Variants in RREB1 observed in about 807,000 individuals in gnomAD.
RREB1 encodes ras responsive element binding protein 1, also known as ras-responsive element-binding protein 1.
A neutral mutation model predicts 117.8 loss-of-function variants in RREB1; 27 were observed. That is an observed-to-expected ratio of 0.23 (90% confidence interval 0.17 to 0.32). The LOEUF (loss-of-function observed/expected upper bound fraction) is 0.32. Ranked by LOEUF, RREB1 falls within the 10% of genes least tolerant of loss-of-function variation. The probability of loss-of-function intolerance (pLI) is 1.00; values close to 1 mark genes in which losing one functional copy is unlikely to be tolerated. For synonymous variants in RREB1, 1,298 were observed against 1,026.7 expected (o/e 1.26, Z -5.05); for missense variants, 2,577 against 2,378.2 (o/e 1.08, Z -1.74).
chr6:7,123,913 A>T (rs942875229), intron 1 of RREB1, among the ~76,000 whole-genome samples: 29 of 152,194 alleles, frequency 1.9e-4, no homozygotes, highest in African/African-American at 6.7e-4. Flanking sequence ...GCCCGGCCTC[A>T]TGTGATGTGT....
rs1432220860 is a variant in RREB1, at chr6:7,246,634, G to A, written c.4184G>A (p.Gly1395Asp). The change falls in exon 12 of 13, where the codon GGC becomes GAC. Residue 1395 changes from glycine (G) to aspartate (D), a missense_variant. Physicochemically the swap from Gly to Asp is moderately conservative, Grantham distance 94. Transcript: ENST00000379938. Reference protein sequence around the residue: ...GESHEPEEEHGTEESTGDADG... With the variant: ...GESHEPEEEHDTEESTGDADG... ...AGCCATGAGCCGGAGGAGGAGCATG[G>A]CACTGAGGAGAGCACTGGGGACGCC... is the stretch of plus-strand genomic sequence containing the variant. The A allele has an allele frequency of 2.5e-6, 4 of 1,571,438 alleles. No individual in the cohort carries two copies. Among genetic ancestry groups the A allele is most frequent in the South Asian group, 2.3e-5 (2 of 85,452 alleles).
At chr6:7,205,528 A>G (rs1358287586) in intron 6 of RREB1, among the ~76,000 whole-genome samples, 2 of 152,232 alleles carry the variant, frequency 1.3e-5, no homozygotes, top group Non-Finnish European at 2.9e-5. Flanking sequence ...TTCCACCCAG[A>G]TTCCTGATTG....
chr6:7,219,311 T>C (rs995193594), intron 8 of RREB1, among the ~76,000 whole-genome samples: 1 of 152,218 alleles, frequency 6.6e-6, no homozygotes, highest in Non-Finnish European at 1.5e-5. Context: ...TTACTTTTGT[T>C]TTCTTAAGAC....
chr6:7,235,721 C>T (rs1005428308), intron 10 of RREB1, among the ~76,000 whole-genome samples: 8 of 152,204 alleles, frequency 5.3e-5, no homozygotes, highest in Non-Finnish European at 1.2e-4. Context: ...ATGCTGGCCT[C>T]CTCCTACCCC....
chr6:7,112,891 C>A (rs937709331), intron 1 of RREB1, among the ~76,000 whole-genome samples: 31 of 152,258 alleles, frequency 2.0e-4, no homozygotes, highest in Middle Eastern at 3.4e-3. Flanking sequence ...CTGGGGATTG[C>A]ACTCTGCCGT....
chr6:7,112,742 A>G (rs1395595153), intron 1 of RREB1, among the ~76,000 whole-genome samples: 1 of 152,260 alleles, frequency 6.6e-6, no homozygotes, highest in East Asian at 1.9e-4. Flanking sequence ...CTACGGAGGT[A>G]AAAGAATGAG....
intron 11 of RREB1, among the ~76,000 whole-genome samples, 187 bp downstream of exon 11, chr6:7,240,789 G>T (rs1049536857): frequency 2.0e-5 from 3 of 152,178 alleles, no homozygotes; most frequent in Non-Finnish European, 2.9e-5. Context: ...TAACTCCTGG[G>T]TCAGATCGCC....
rs542153019 is a variant in RREB1, at chr6:7,227,335, G to A, written c.897+679G>A. ...AGGCAGTCGGATCATGAGGTCAGGA[G>A]TTCAAGACCAGCCTGACCAACATGG... On this transcript the variant is annotated intron_variant, in intron 9 of 12. Transcript: ENST00000379938. 3.3e-5 allele frequency among the ~76,000 whole-genome samples: 5 copies of A among 151,952 alleles called. No homozygotes were observed. In the East Asian group the frequency reaches 9.7e-4, roughly 29 times the overall value.
intron 6 of RREB1, among the ~76,000 whole-genome samples, chr6:7,203,481 C>A (rs6921580): frequency 1.3e-5 from 2 of 152,064 alleles, no homozygotes; most frequent in Non-Finnish European, 2.9e-5. Context: ...AGGAACTGCT[C>A]TCTCCAAATA....
At position 7,229,599 on chromosome 6, in the gene RREB1, C is replaced by T. The variant is rs1767790944; in HGVS notation, c.1500C>T (p.Ile500=). 1.2e-6 allele frequency: 2 copies of T among 1,612,398 alleles called. No homozygotes were observed. The highest frequency in any genetic ancestry group is 2.2e-5 in the East Asian group (1 of 44,826). The change falls in exon 10 of 13, where the codon ATC becomes ATT. Residue 500 remains isoleucine, a synonymous_variant. Coordinates refer to ENST00000379938, the MANE Select transcript of RREB1 (RefSeq NM_001003699.4). The surrounding 1 kb of genome is among the most constrained non-coding windows in gnomAD (Gnocchi z 4.5). The part of the protein sequence containing the change: ...SKAPAAPLQA[I]FKHMPPLKPK... ...CCCCTGCCGCCCCACTGCAGGCGAT[C>T]TTCAAGCACATGCCCCCTCTGAAGC...
At chr6:7,142,586 C>CT (rs1561741421) in intron 1 of RREB1, among the ~76,000 whole-genome samples, 3 of 152,240 alleles carry the variant, frequency 2.0e-5, no homozygotes, top group Non-Finnish European at 2.9e-5. Flanking sequence ...TGAGACAGTT[C>CT]GTGGGGTCAG....
At chr6:7,241,499 T>TC (rs1410820181) in intron 11 of RREB1, among the ~76,000 whole-genome samples, 2 of 152,032 alleles carry the variant, frequency 1.3e-5, no homozygotes, top group Non-Finnish European at 2.9e-5. Flanking sequence ...TGCGAAGAGA[T>TC]CCCCCCAGCT....
intron 6 of RREB1, among the ~76,000 whole-genome samples, chr6:7,198,057 G>A (rs1174190422): frequency 1.3e-5 from 2 of 152,194 alleles, no homozygotes; most frequent in African/African-American, 4.8e-5. Flanking sequence ...GCAGGGGACA[G>A]TCACTTCTTT....
At chr6:7,194,027 G>A (rs1047466688) in intron 6 of RREB1, among the ~76,000 whole-genome samples, 4 of 151,958 alleles carry the variant, frequency 2.6e-5, no homozygotes, top group African/African-American at 9.7e-5. Context: ...TATTTTCAAT[G>A]TTAAACTATT....
At chr6:7,137,917 C>G (rs538646117) in intron 1 of RREB1, among the ~76,000 whole-genome samples, 45 of 152,250 alleles carry the variant, frequency 3.0e-4, no homozygotes, top group African/African-American at 1.0e-3. Context: ...TTCAGAGTTC[C>G]TTTTCTTTTT....
chr6:7,190,948 G>C (rs2113559372), intron 6 of RREB1, among the ~76,000 whole-genome samples: 1 of 152,346 alleles, frequency 6.6e-6, no homozygotes, highest in South Asian at 2.1e-4. Flanking sequence ...GGGCACATTG[G>C]TAAAGAGGCC....
At chr6:7,127,182 G>A (rs762038380) in intron 1 of RREB1, among the ~76,000 whole-genome samples, 1 of 152,080 alleles carries the variant, frequency 6.6e-6, no homozygotes, top group African/African-American at 2.4e-5. Context: ...ATGGACGGGG[G>A]CTCGGTGGTG....
rs3028658 is a variant in RREB1, at chr6:7,187,540, CTTTTATTTTA to C, written c.261+58_261+67del. The C allele has an allele frequency of 1.0e-2, 8,437 of 847,720 alleles. 150 individuals are homozygous for C. Among genetic ancestry groups the C allele is most frequent in the African/African-American group, 0.047 (2,557 of 54,124 alleles). 52.5% of individuals were successfully genotyped at this position (847,720 alleles called of 1,614,324 possible). On this transcript the variant is annotated intron_variant, in intron 5 of 12. Coordinates refer to ENST00000379938, the MANE Select transcript of RREB1 (RefSeq NM_001003699.4). ...ATTCGCCAGGTAGATTCCCACTGTTCTTTTATTTTATTTTATTTTATTTTATTTTATTTTA... is the reference window on the plus strand; with the variant it reads ...ATTCGCCAGGTAGATTCCCACTGTTCTTTTATTTTATTTTATTTTATTTTA...
At chr6:7,165,927 T>C (rs1763906580) in intron 1 of RREB1, among the ~76,000 whole-genome samples, 1 of 152,186 alleles carries the variant, frequency 6.6e-6, no homozygotes, top group Admixed American at 6.5e-5. Context: ...CTTGTAAACA[T>C]GAACCCACAC....
Sources: allele counts gnomAD v4.1 joint callset (sites outside exome capture counted in the v4.1 genomes callset), GRCh38; gene constraint gnomAD v4.1.1; non-coding constraint Gnocchi (gnomAD v3.1); transcripts MANE v1.5; gene names NCBI Gene and HGNC (gene_info 2026-07-23, HGNC 2026-07-21).